ASPH: variants seen among roughly 807,000 people sequenced by gnomAD.
ASPH encodes aspartate beta-hydroxylase, also known as aspartyl/asparaginyl beta-hydroxylase.
ASPH carries 100 observed loss-of-function variants against 118.4 expected under a neutral mutation model. The ratio of observed to expected loss-of-function variants is 0.84; its 90% CI spans 0.72 to 1.00. The LOEUF is 1.00. ASPH is among the 50% of genes least tolerant of loss of function. The pLI is 0.00. For missense variants in ASPH, 920 were observed against 919.5 expected, an observed-to-expected ratio of 1.00 and a Z score of -0.01; for synonymous variants, 315 against 325.6, an observed-to-expected ratio of 0.97 and a Z score of 0.35.
chr8:61,684,364 T>G lies in ASPH; in HGVS notation c.104-176A>C, dbSNP rs546896214. 1.7e-5 allele frequency: 12 copies of G among 696,048 alleles called. No homozygotes were observed. In the African/African-American group the frequency reaches 2.1e-4, roughly 12 times the overall value. 43.1% of individuals were successfully genotyped at this position (696,048 alleles called of 1,614,324 possible). A position where few individuals can be genotyped will look rare whatever the true frequency, so the allele number is the denominator to read the frequency against. ...AAAATATTTCTGAAAACAGAAAAGA[T>G]TGTTTAGATGCAACACTAACTTTGA... is the stretch of plus-strand genomic sequence containing the variant. On this transcript the variant is annotated intron_variant, in intron 1 of 24. Transcript: ENST00000379454.
At chr8:61,635,258 A>G (rs1269207506) in intron 12 of ASPH, among the ~76,000 whole-genome samples, 1 of 152,022 alleles carries the variant, frequency 6.6e-6, no homozygotes, top group African/African-American at 2.4e-5. Context: ...TCCTCACACA[A>G]TGGCTGTTCA....
At chr8:61,545,486 A>G (rs918004468) in intron 21 of ASPH, among the ~76,000 whole-genome samples, 1 of 152,240 alleles carries the variant, frequency 6.6e-6, no homozygotes, top group Admixed American at 6.5e-5. Flanking sequence ...TTACGTGGTG[A>G]GTTAATGTTC....
At chr8:61,526,225 A>T in intron 21 of ASPH, 113 bp from the exon 22 acceptor site, 4 of 1,354,532 alleles carry the variant, frequency 3.0e-6, no homozygotes, top group Non-Finnish European at 4.0e-6. Context: ...TCTTTGCCTT[A>T]TCTAGATTGC....
At chr8:61,584,666 TTC>T (rs1385823886) in intron 14 of ASPH, among the ~76,000 whole-genome samples, 9 of 150,528 alleles carry the variant, frequency 6.0e-5, no homozygotes, top group African/African-American at 2.2e-4. Flanking sequence ...TCTTTCTTTC[TTC>T]TTTTTTTCTT....
At chr8:61,679,615 CT>C (rs1826967990) in intron 3 of ASPH, among the ~76,000 whole-genome samples, 1 of 151,856 alleles carries the variant, frequency 6.6e-6, no homozygotes, top group Admixed American at 6.6e-5. Flanking sequence ...AATATTATTT[CT>C]AAAAATGAGG....
intron 17 of ASPH, among the ~76,000 whole-genome samples, chr8:61,564,410 T>G (rs891959942): frequency 1.3e-5 from 2 of 151,648 alleles, no homozygotes; most frequent in Non-Finnish European, 2.9e-5. Flanking sequence ...GTGATTCTCC[T>G]GCCTCAGCCT....
At chr8:61,677,174 C>T (rs1457785296) in intron 3 of ASPH, among the ~76,000 whole-genome samples, 1 of 152,282 alleles carries the variant, frequency 6.6e-6, no homozygotes, top group East Asian at 1.9e-4. Flanking sequence ...ATTGCTAAGA[C>T]CCCTTACAAC....
chr8:61,646,018 C>T, intron 6 of ASPH, among the ~76,000 whole-genome samples: 1 of 152,076 alleles, frequency 6.6e-6, no homozygotes, highest in East Asian at 1.9e-4. Context: ...GACCTTGCCA[C>T]TATAAAAAAT....
chr8:61,585,912 G>GTTTTTGAGGGTTAAA (rs1839305819), intron 14 of ASPH, among the ~76,000 whole-genome samples: 1 of 152,182 alleles, frequency 6.6e-6, no homozygotes, highest in Admixed American at 6.5e-5. Context: ...AATTAGGGGT[G>GTTTTTGAGGGTTAAA]TTTTTGAGGG....
chr8:61,527,042 T>C (rs1456626574), intron 21 of ASPH, among the ~76,000 whole-genome samples: 1 of 152,112 alleles, frequency 6.6e-6, no homozygotes, highest in Non-Finnish European at 1.5e-5. Context: ...ATGGATGAAA[T>C]AGTTGAGTAT....
rs1417562381 is a variant in ASPH at position 61,714,447 on chromosome 8, C to T, written c.-76G>A. ...GGGGGTACACACGCGACGCGGGAAC[C>T]GCTGGCGGCGGCGGGCCGCTGGAGC... is the stretch of plus-strand genomic sequence containing the variant. On this transcript the variant is annotated 5_prime_UTR_variant, in exon 1 of 25. Coordinates refer to ENST00000379454, the MANE Select transcript of ASPH (RefSeq NM_004318.4). 7.4e-7 allele frequency: 1 copy of T among 1,357,450 alleles called. No homozygotes were observed. Among genetic ancestry groups the T allele is most frequent in the South Asian group, 1.7e-5 (1 of 59,450 alleles). The allele number at this position is 1,357,450 out of a possible 1,614,324, so 84.1% of individuals were successfully genotyped here.
chr8:61,584,555 T>C (rs1036992319), intron 14 of ASPH, among the ~76,000 whole-genome samples: 5 of 152,218 alleles, frequency 3.3e-5, no homozygotes, highest in Admixed American at 1.3e-4. Context: ...TCAGCCAAAA[T>C]AGACTGCCCC....
chr8:61,647,924 A>G (rs1465240787), intron 5 of ASPH, among the ~76,000 whole-genome samples: 3 of 152,134 alleles, frequency 2.0e-5, no homozygotes, highest in Non-Finnish European at 4.4e-5. Context: ...TTGCATCCCA[A>G]TGTAACTTGA....
At chr8:61,584,736 T>G (rs942245926) in intron 14 of ASPH, among the ~76,000 whole-genome samples, 1 of 151,680 alleles carries the variant, frequency 6.6e-6, no homozygotes, top group Non-Finnish European at 1.5e-5. Flanking sequence ...CTTGAACTCC[T>G]GGCCTCAAGC....
chr8:61,632,097 T>A (rs1855877011), intron 13 of ASPH: 2 of 152,166 alleles, frequency 1.3e-5, no homozygotes, highest in African/African-American at 4.8e-5. Context: ...TACTGGGAGC[T>A]TATTATAGGT....
intron 10 of ASPH, among the ~76,000 whole-genome samples, chr8:61,642,376 TAA>T (rs1280861742): frequency 6.6e-6 from 1 of 152,232 alleles, no homozygotes; most frequent in Non-Finnish European, 1.5e-5. Context: ...AGGCAACTTG[TAA>T]AGAGTTTAAG....
chr8:61,641,355 A>T (rs1292333210), intron 10 of ASPH, among the ~76,000 whole-genome samples: 1 of 152,202 alleles, frequency 6.6e-6, no homozygotes, highest in Non-Finnish European at 1.5e-5. Context: ...TGATCAGTAG[A>T]AATGAGGAAA....
chr8:61,520,469 G>A (rs569532610), intron 22 of ASPH, among the ~76,000 whole-genome samples: 1 of 152,110 alleles, frequency 6.6e-6, no homozygotes, highest in African/African-American at 2.4e-5. Flanking sequence ...CAACTAAAAG[G>A]TATTCACCCC....
At chr8:61,524,602 T>A (rs1450078828) in intron 22 of ASPH, among the ~76,000 whole-genome samples, 1 of 152,202 alleles carries the variant, frequency 6.6e-6, no homozygotes, top group Non-Finnish European at 1.5e-5. Flanking sequence ...AGTTAAGTAG[T>A]TCATGGAAAA....
Sources: gnomAD v4.1 joint callset for allele counts (sites outside exome capture counted in the v4.1 genomes callset) on GRCh38, gnomAD v4.1.1 for gene constraint, MANE v1.5 for transcripts, NCBI Gene and HGNC (gene_info 2026-07-23, HGNC 2026-07-21) for gene names.